PLEKHH1: variants seen among roughly 807,000 people sequenced by gnomAD.
PLEKHH1 encodes pleckstrin homology domain-containing family H member 1.
Under a neutral mutation model 160.0 loss-of-function variants are expected in PLEKHH1, and 104 were observed. That is an observed-to-expected ratio of 0.65 (90% CI 0.55 to 0.76). PLEKHH1 has a LOEUF of 0.76. PLEKHH1 is among the 30% of genes least tolerant of loss of function. PLEKHH1 has a pLI of 0.00. For synonymous variants in PLEKHH1, 619 were observed against 678.4 expected, an observed-to-expected ratio of 0.91 and a Z score of 1.36; for missense variants, 1,427 against 1,724.1, an observed-to-expected ratio of 0.83 and a Z score of 3.05.
intron 15 of PLEKHH1, 44 bp from the exon 16 acceptor site, chr14:67,575,779 A>G (rs4902491): frequency 0.8 from 1,192,901 of 1,488,378 alleles, 479,946 homozygotes; most frequent in Admixed American, 0.86. Context: ...AGACTCCCTC[A>G]TCCCCCACTG....
At position 67,587,734 on chromosome 14, in the gene PLEKHH1, G is replaced by C. The variant is rs2036235845; in HGVS notation, c.*499G>C. ...GGCTAATTTTTGTATTTTTAGTAGAGACGGGGTTTCACCATGTTGGCCAGG... is the reference window on the plus strand; with the variant it reads ...GGCTAATTTTTGTATTTTTAGTAGACACGGGGTTTCACCATGTTGGCCAGG... On this transcript the variant is annotated 3_prime_UTR_variant, in exon 29 of 29. Coordinates refer to ENST00000329153, the MANE Select transcript of PLEKHH1 (RefSeq NM_020715.3). The C allele has an allele frequency of 6.1e-6, 1 of 164,894 alleles. No individual in the cohort carries two copies. The highest frequency in any genetic ancestry group is 1.6e-4 in the South Asian group (1 of 6,338). The allele number at this position is 164,894 out of a possible 1,614,324, so 10.2% of individuals were successfully genotyped here. A position where few individuals can be genotyped will look rare whatever the true frequency, so the allele number is the denominator to read the frequency against.
Position 67,587,266 on chromosome 14 carries a change from C to G in PLEKHH1, c.*31C>G. 1.2e-6 allele frequency: 2 copies of G among 1,611,942 alleles called. No homozygotes were observed. The highest frequency in any genetic ancestry group is 2.2e-5 in the East Asian group (1 of 44,876). ...TCTCCTACCCGATTCCCCAACACCA[C>G]TAGTGCCTCTGGATTTAGAGATATA... On this transcript the variant is annotated 3_prime_UTR_variant, in exon 29 of 29. Coordinates refer to ENST00000329153, the MANE Select transcript of PLEKHH1 (RefSeq NM_020715.3).
At position 67,589,342 on chromosome 14, in the gene PLEKHH1, A is replaced by C; in HGVS notation, c.*2107A>C. 9 of 981,970 alleles carry C rather than the reference A, an allele frequency of 9.2e-6. No individual in the cohort carries two copies. Among genetic ancestry groups the C allele is most frequent in the Non-Finnish European group, 9.7e-6 (8 of 826,790 alleles). 60.8% of individuals were successfully genotyped at this position (981,970 alleles called of 1,614,324 possible). A position where few individuals can be genotyped will look rare whatever the true frequency, so the allele number is the denominator to read the frequency against. On this transcript the variant is annotated 3_prime_UTR_variant, in exon 29 of 29. Transcript: ENST00000329153. ...ATTTGCTTATTTATTCTTTGTTAAC[A>C]TGAGAGTCCCATGTCTGAAAACCAA... is the stretch of plus-strand genomic sequence containing the variant.
intron 22 of PLEKHH1, among the ~76,000 whole-genome samples, chr14:67,580,482 A>G (rs2035843231): frequency 6.6e-6 from 1 of 152,254 alleles, no homozygotes; most frequent in South Asian, 2.1e-4. Flanking sequence ...CTTGTCTTTA[A>G]CAGGACAAAG....
At position 67,564,137 on chromosome 14, in the gene PLEKHH1, G is replaced by A. The variant is rs563600019; in HGVS notation, c.1263+1243G>A. Reference sequence around the variant, plus strand: ...AGGATGGTCTCGATCTCCTGACCTCGTGATCCGCCCGCCTCAGCCTCCCAA... The same window carrying A: ...AGGATGGTCTCGATCTCCTGACCTCATGATCCGCCCGCCTCAGCCTCCCAA... On this transcript the variant is annotated intron_variant, in intron 7 of 28. Transcript: ENST00000329153. 3.3e-5 allele frequency among the ~76,000 whole-genome samples: 5 copies of A among 151,812 alleles called. No individual in the cohort carries two copies. In the South Asian group the frequency reaches 6.3e-4, roughly 19 times the overall value.
intron 2 of PLEKHH1, among the ~76,000 whole-genome samples, chr14:67,542,933 C>T (rs1262617644): frequency 3.9e-5 from 6 of 152,100 alleles, no homozygotes; most frequent in Non-Finnish European, 8.8e-5. Context: ...CTCCCAACCT[C>T]AGGTGATCCT....
At position 67,574,233 on chromosome 14, in the gene PLEKHH1, CCTCCACAGCTCAT is replaced by C; in HGVS notation, c.1927-5_1934del. 1 of 1,585,354 alleles carries C rather than the reference CCTCCACAGCTCAT, an allele frequency of 6.3e-7. No homozygotes were observed. The highest frequency in any genetic ancestry group is 8.6e-7 in the Non-Finnish European group (1 of 1,165,666). On this transcript the variant is annotated splice_acceptor_variant and splice_polypyrimidine_tract_variant and coding_sequence_variant and intron_variant, in exon 14 of 29. Transcript: ENST00000329153. LOFTEE classifies it high-confidence loss of function. The surrounding 1 kb of genome is among the most constrained non-coding windows in gnomAD (Gnocchi z 4.2). ...GTGCTGCCCCACCCCCATATCTCGC[CCTCCACAGCTCAT>C]CTCTGAGAAGAAAACCTACTACCTG...
Position 67,541,985 on chromosome 14 carries a change from G to A in PLEKHH1, c.118G>A (p.Ala40Thr). The change falls in exon 2 of 29, where the codon GCT (alanine) becomes ACT (threonine). Residue 40 changes from alanine (A) to threonine (T), a missense_variant. Ala to Thr is a moderately conservative substitution (Grantham distance 58, BLOSUM62 0). Around this residue, in one of 6 missense-constraint regions of PLEKHH1, gnomAD observed 831 missense variants for 929.2 expected, o/e 0.89. Transcript: ENST00000329153. The stretch of plus-strand genomic sequence containing the variant: ...GGCCAGCAAGATAAGGGAGCTGCTG[G>A]CTGACAAGGTGAGTCCCTCAGAGCA... The part of the protein sequence containing the change: ...LQASKIRELL[A>T]DKMQELEQRL... 6 of 1,605,304 alleles carry A rather than the reference G, an allele frequency of 3.7e-6. No individual in the cohort carries two copies. Among genetic ancestry groups the A allele is most frequent in the Non-Finnish European group, 5.1e-6 (6 of 1,176,388 alleles).
intron 9 of PLEKHH1, chr14:67,571,276 T>C (rs769309479): frequency 4.8e-4 from 77 of 161,476 alleles, no homozygotes; most frequent in Non-Finnish European, 8.1e-4. Context: ...TACTGCCAAA[T>C]TACCTTCTAA....
chr14:67,585,454 G>A (rs1343059990), intron 26 of PLEKHH1, 114 bp from the exon 27 acceptor site: 4 of 687,584 alleles, frequency 5.8e-6, no homozygotes, highest in Non-Finnish European at 1.0e-5. Context: ...AAGATGAGGT[G>A]GCTGGAAATC....
Position 67,576,861 on chromosome 14 carries a change from G to C in PLEKHH1, c.2461+358G>C, listed in dbSNP as rs975707614. On this transcript the variant is annotated intron_variant, in intron 17 of 28. Transcript: ENST00000329153. This position sits in a 1 kb window ranked among gnomAD's most constrained non-coding sequence, Gnocchi z 4.0. ...AACAAGTGAAGCCTAAATTGGGATC[G>C]GACTAACCTGTTTGGAGTCTTTCTT... Among the ~76,000 whole-genome samples, 1 of 152,146 alleles carries C rather than the reference G, an allele frequency of 6.6e-6. No homozygotes were observed. Among genetic ancestry groups the C allele is most frequent in the Admixed American group, 6.5e-5 (1 of 15,276 alleles).
At chr14:67,572,411 G>A (rs1010300385) in intron 11 of PLEKHH1, 134 bp downstream of exon 11, 6 of 554,564 alleles carry the variant, frequency 1.1e-5, no homozygotes, top group Non-Finnish European at 1.9e-5. Flanking sequence ...GGCAGGGGGC[G>A]TGGGCTGGGG....
intron 7 of PLEKHH1, among the ~76,000 whole-genome samples, chr14:67,567,472 C>T (rs2035157876): frequency 6.6e-6 from 1 of 152,168 alleles, no homozygotes; most frequent in Non-Finnish European, 1.5e-5. Flanking sequence ...TGGTTAAATT[C>T]CATGACCACT....
At chr14:67,564,542 C>T (rs1414265471) in intron 7 of PLEKHH1, among the ~76,000 whole-genome samples, 1 of 152,122 alleles carries the variant, frequency 6.6e-6, no homozygotes, top group Non-Finnish European at 1.5e-5. Context: ...ACTGCAACCT[C>T]TGCCTCCTGG....
At chr14:67,575,520 G>A in intron 15 of PLEKHH1, 48 bp downstream of exon 15, 3 of 1,149,224 alleles carry the variant, frequency 2.6e-6, no homozygotes, top group Non-Finnish European at 3.9e-6. Flanking sequence ...TTCCCCCGAA[G>A]CACATGACTG....
At position 67,569,324 on chromosome 14, in the gene PLEKHH1, T is replaced by C. The variant is rs2035259461; in HGVS notation, c.1342+108T>C. 7.0e-6 allele frequency: 5 copies of C among 715,814 alleles called. No homozygotes were observed. The Admixed American group carries it at 1.2e-4, about 18-fold the overall frequency. 44.3% of individuals were successfully genotyped at this position (715,814 alleles called of 1,614,324 possible). ...CACCCAGGGCCAGGGTTGGCTGGCC[T>C]ACCCTGTTCCCCTCCCCAGCAGGTG... On this transcript the variant is annotated intron_variant, in intron 8 of 28. Transcript: ENST00000329153.
At position 67,559,698 on chromosome 14, in the gene PLEKHH1, T is replaced by A. The variant is rs905945213; in HGVS notation, c.423+7T>A. 3 of 1,588,550 alleles carry A rather than the reference T, an allele frequency of 1.9e-6. No individual in the cohort carries two copies. The African/African-American group carries it at 4.0e-5, about 21-fold the overall frequency. On this transcript the variant is annotated splice_region_variant and intron_variant, in intron 5 of 28. Transcript: ENST00000329153. ...GACACTCAAGTTGGCAAAGGTGGGT[T>A]GGAAACTCATCTTGGAGGCCTGCCA...
rs1018345147 is a variant in PLEKHH1 at position 67,562,634 on chromosome 14, C to T, written c.1003C>T (p.Pro335Ser). 6.2e-7 allele frequency: 1 copy of T among 1,613,030 alleles called. No individual in the cohort carries two copies. The highest frequency in any genetic ancestry group is 1.1e-5 in the South Asian group (1 of 90,834). ...IQLAKRHHSQPQVGHGHFGRV... is the reference protein window; with the variant it reads ...IQLAKRHHSQSQVGHGHFGRV... ...GTTGGCCAAAAGGCACCACAGCCAG[C>T]CCCAGGTGGGCCATGGGCACTTTGG... Residue 335 changes from proline to serine, a missense_variant, in exon 7 of 29, where the codon CCC becomes TCC. By Grantham distance (74) the Pro-to-Ser change is moderately conservative. Around this residue, in one of 6 missense-constraint regions of PLEKHH1, gnomAD observed 831 missense variants for 929.2 expected, o/e 0.89. Coordinates refer to ENST00000329153, the MANE Select transcript of PLEKHH1 (RefSeq NM_020715.3).
chr14:67,585,579 G>A lies in PLEKHH1; in HGVS notation c.3711G>A (p.Leu1237=). The change falls in exon 27 of 29, where the codon CTG becomes CTA. Residue 1237 remains leucine (L), a synonymous_variant. Transcript: ENST00000329153. The part of the protein sequence containing the change: ...AKLFAAQPAQ[L]SSKENALVWI... ...TTCTGTTTCCCCAGCCTGCCCAGCT[G>A]TCTTCCAAGGAGAACGCTCTGGTGT... 3 of 1,580,792 alleles carry A rather than the reference G, an allele frequency of 1.9e-6. No homozygotes were observed. The highest frequency in any genetic ancestry group is 2.6e-6 in the Non-Finnish European group (3 of 1,162,080).
Sources: gnomAD v4.1 joint callset for allele counts (sites outside exome capture counted in the v4.1 genomes callset) on GRCh38, gnomAD v4.1.1 for gene constraint, gnomAD v4.1.1 regional missense constraint, Gnocchi (gnomAD v3.1) non-coding constraint, MANE v1.5 for transcripts, NCBI Gene and HGNC (gene_info 2026-07-23, HGNC 2026-07-21) for gene names.